GRIK4: variants seen among roughly 807,000 people sequenced by gnomAD.
The protein encoded by GRIK4 is glutamate receptor ionotropic, kainate 4.
A neutral mutation model predicts 104.9 loss-of-function variants in GRIK4; 40 were observed. The ratio of observed to expected loss-of-function variants is 0.38; its 90% CI spans 0.30 to 0.50. The LOEUF (loss-of-function observed/expected upper bound fraction) is 0.50, where lower values mean the gene tolerates loss of function less well. Among genes scored for constraint, GRIK4 ranks in the 20% least tolerant of loss-of-function variants. The probability of loss-of-function intolerance (pLI) is 0.93; values close to 1 mark genes in which losing one functional copy is unlikely to be tolerated. For synonymous variants in GRIK4, 485 were observed against 524.9 expected, an observed-to-expected ratio of 0.92 and a Z score of 1.04; for missense variants, 1,047 against 1,308.1, an observed-to-expected ratio of 0.80 and a Z score of 3.08.
chr11:120,770,812 G>A (rs537242755), intron 3 of GRIK4, among the ~76,000 whole-genome samples: 16 of 152,286 alleles, frequency 1.1e-4, no homozygotes, highest in African/African-American at 3.8e-4. Flanking sequence ...GCAAGTCCCA[G>A]ATAATTGCCT....
chr11:120,623,456 C>T lies in GRIK4; in HGVS notation c.-158-30229C>T, dbSNP rs1591747700. On this transcript the variant is annotated intron_variant, in intron 1 of 20. Transcript: ENST00000527524. ...CCCCCTGTACTCTTTAGGTGTGACC[C>T]CATCGGTCTGTGAACAAGCCCATGC... Among the ~76,000 whole-genome samples, 5 of 152,124 alleles carry T rather than the reference C, an allele frequency of 3.3e-5. No homozygotes were observed. In the South Asian group the frequency reaches 1.0e-3, roughly 31 times the overall value.
intron 14 of GRIK4, among the ~76,000 whole-genome samples, chr11:120,941,695 G>A (rs545020992): frequency 1.3e-5 from 2 of 152,214 alleles, no homozygotes; most frequent in Admixed American, 6.5e-5. Context: ...TTGGGAATTC[G>A]AAGGCAGAGA....
intron 1 of GRIK4, among the ~76,000 whole-genome samples, chr11:120,605,367 A>G (rs1180036742): frequency 6.6e-6 from 1 of 152,224 alleles, no homozygotes; most frequent in Non-Finnish European, 1.5e-5. Flanking sequence ...CTCCAAGTGT[A>G]CAGAATAGAA....
In GRIK4 at chr11:120,693,119, T is replaced by A. The variant is rs567115896; in HGVS notation, c.82+32719T>A. Among the ~76,000 whole-genome samples, 240 of 152,204 alleles carry A rather than the reference T, an allele frequency of 1.6e-3. 1 individual carries two copies. Among genetic ancestry groups the A allele is most frequent in the South Asian group, 3.5e-3 (17 of 4,816 alleles). ...ATTTTATTTTATTATTATTATTATTTTTTGAGACAGAGTCTCTCTCTGTTG... is the reference window on the plus strand; with the variant it reads ...ATTTTATTTTATTATTATTATTATTATTTGAGACAGAGTCTCTCTCTGTTG... On this transcript the variant is annotated intron_variant, in intron 3 of 20. Coordinates refer to ENST00000527524, the MANE Select transcript of GRIK4 (RefSeq NM_014619.5).
intron 4 of GRIK4, among the ~76,000 whole-genome samples, chr11:120,809,005 C>T (rs2135522907): frequency 6.6e-6 from 1 of 152,294 alleles, no homozygotes; most frequent in East Asian, 1.9e-4. Flanking sequence ...CAGGAAGCTG[C>T]TCCTTCCTGG....
chr11:120,834,223 C>T (rs1953511546), intron 7 of GRIK4, among the ~76,000 whole-genome samples: 1 of 151,442 alleles, frequency 6.6e-6, no homozygotes, highest in African/African-American at 2.4e-5. Flanking sequence ...CTTATAGCAC[C>T]CTTGCCAATA....
At chr11:120,725,938 A>G (rs540989543) in intron 3 of GRIK4, among the ~76,000 whole-genome samples, 4 of 152,332 alleles carry the variant, frequency 2.6e-5, no homozygotes, top group South Asian at 2.1e-4. Context: ...ATTTTTATAT[A>G]CAAATAAATG....
chr11:120,956,858 G>T lies in GRIK4; in HGVS notation c.1779G>T (p.Leu593=). ...RCNLLVNQYS[L]GNSLWFPVGG... is the part of the protein sequence containing the mutation. ...ACCTCCTGGTGAACCAGTACTCCCT[G>T]GGCAACAGCCTCTGGTTTCCGGTCG... Residue 593 remains leucine (L), a synonymous_variant, in exon 16 of 21, where the codon CTG becomes CTT. Coordinates refer to ENST00000527524, the MANE Select transcript of GRIK4 (RefSeq NM_014619.5). The surrounding 1 kb of genome is among the most constrained non-coding windows in gnomAD (Gnocchi z 4.6). 1 of 1,613,800 alleles carries T rather than the reference G, an allele frequency of 6.2e-7. No homozygotes were observed.
intron 3 of GRIK4, among the ~76,000 whole-genome samples, chr11:120,704,120 C>G (rs1057324785): frequency 6.6e-6 from 1 of 152,226 alleles, no homozygotes; most frequent in Non-Finnish European, 1.5e-5. Context: ...TTCTTGTGTT[C>G]TCGTGAGGGT....
At chr11:120,909,459 C>T (rs1475589643) in intron 13 of GRIK4, among the ~76,000 whole-genome samples, 2 of 152,160 alleles carry the variant, frequency 1.3e-5, no homozygotes, top group African/African-American at 4.8e-5. Context: ...TCTTGGGGGT[C>T]CAGGGATCCT....
rs1202075626 is a variant in GRIK4, at chr11:120,826,444, A to T, written c.512-5408A>T. 3.3e-5 allele frequency among the ~76,000 whole-genome samples: 5 copies of T among 152,158 alleles called. No individual in the cohort carries two copies. In the East Asian group the frequency reaches 9.6e-4, roughly 29 times the overall value. On this transcript the variant is annotated intron_variant, in intron 6 of 20. Coordinates refer to ENST00000527524, the MANE Select transcript of GRIK4 (RefSeq NM_014619.5). ...CCAGCAATTCTGTCTTGACTCAGGG[A>T]TAATAATATCCACCTCCCAGGGCAG...
intron 19 of GRIK4, among the ~76,000 whole-genome samples, chr11:120,981,178 G>A (rs921899952): frequency 2.6e-5 from 4 of 152,032 alleles, no homozygotes; most frequent in Admixed American, 2.6e-4. Context: ...TTTGTGTTTG[G>A]GTTTCTCTAA....
chr11:120,644,433 G>C (rs1949515242), intron 1 of GRIK4, among the ~76,000 whole-genome samples: 1 of 152,164 alleles, frequency 6.6e-6, no homozygotes, highest in South Asian at 2.1e-4. Flanking sequence ...AGCCCCGTGA[G>C]GTAGGTACTA....
At position 120,986,313 on chromosome 11, in the gene GRIK4, G is replaced by A; in HGVS notation, c.*53G>A. 2 of 1,425,874 alleles carry A rather than the reference G, an allele frequency of 1.4e-6. No individual in the cohort carries two copies. The highest frequency in any genetic ancestry group is 1.8e-6 in the Non-Finnish European group (2 of 1,096,158). 88.3% of individuals were successfully genotyped at this position (1,425,874 alleles called of 1,614,324 possible). A position where few individuals can be genotyped will look rare whatever the true frequency, so the allele number is the denominator to read the frequency against. On this transcript the variant is annotated 3_prime_UTR_variant, in exon 21 of 21. Coordinates refer to ENST00000527524, the MANE Select transcript of GRIK4 (RefSeq NM_014619.5). ...CCGGGCGGGGCGGGAGGGGAGGGGC[G>A]GGGCGGGCGCTGCTGTCAGCCGCCA...
chr11:120,756,835 CTT>C (rs1951662664), intron 3 of GRIK4, among the ~76,000 whole-genome samples: 1 of 152,234 alleles, frequency 6.6e-6, no homozygotes, highest in Admixed American at 6.5e-5. Context: ...TCTCTGCAGG[CTT>C]TTTGCAGCCT....
rs140144715 is a variant in GRIK4 at position 120,956,786 on chromosome 11, G to A, written c.1707G>A (p.Thr569=). The part of the protein sequence containing the change: ...SCVLFLVARL[T]PYEWYSPHPC... ...TGTTCCTTTTCTCCCACAGGTTGAC[G>A]CCCTACGAGTGGTACAGCCCACACC... is the stretch of plus-strand genomic sequence containing the variant. The change falls in exon 16 of 21, where the codon ACG becomes ACA. Residue 569 remains threonine (T), a synonymous_variant. Coordinates refer to ENST00000527524, the MANE Select transcript of GRIK4 (RefSeq NM_014619.5). The surrounding 1 kb of genome is among the most constrained non-coding windows in gnomAD (Gnocchi z 4.6). 7.0e-6 allele frequency: 11 copies of A among 1,576,136 alleles called. No homozygotes were observed. The highest frequency in any genetic ancestry group is 5.8e-5 in the South Asian group (5 of 86,474).
At chr11:120,771,007 T>C (rs918594821) in intron 3 of GRIK4, among the ~76,000 whole-genome samples, 1 of 152,228 alleles carries the variant, frequency 6.6e-6, no homozygotes, top group Non-Finnish European at 1.5e-5. Context: ...AGAAAATTGG[T>C]ACCAAGAAGT....
In GRIK4 at chr11:120,512,151, C is replaced by T. The variant is rs75287702; in HGVS notation, c.-159+264C>T. 9.0e-3 allele frequency among the ~76,000 whole-genome samples: 1,370 copies of T among 151,650 alleles called. 77 individuals carry two copies. In the East Asian group the frequency reaches 0.16, roughly 18 times the overall value. On this transcript the variant is annotated intron_variant, in intron 1 of 20. Transcript: ENST00000527524. ...CCGCCGAACCCCCCACCGCTCTGCT[C>T]CCGTAGTTCCTCCAGTCTTCACCCC...
At chr11:120,632,125 G>A (rs916197138) in intron 1 of GRIK4, among the ~76,000 whole-genome samples, 8 of 152,124 alleles carry the variant, frequency 5.3e-5, no homozygotes, top group African/African-American at 1.9e-4. Context: ...CCTTTGGGAG[G>A]TCATAGGCGT....
Sources: gnomAD v4.1 joint callset for allele counts (sites outside exome capture counted in the v4.1 genomes callset) on GRCh38, gnomAD v4.1.1 for gene constraint, Gnocchi (gnomAD v3.1) non-coding constraint, MANE v1.5 for transcripts, NCBI Gene and HGNC (gene_info 2026-07-23, HGNC 2026-07-21) for gene names.